Variants in CNTNAP2 observed in about 807,000 individuals in gnomAD.
The protein encoded by CNTNAP2 is contactin-associated protein-like 2.
CNTNAP2 carries 98 observed loss-of-function variants against 155.2 expected under a neutral mutation model. That is an observed-to-expected ratio of 0.63 (90% confidence interval 0.54 to 0.75). The LOEUF is 0.75. Ranked by LOEUF, CNTNAP2 falls within the 30% of genes least tolerant of loss-of-function variation. The pLI is 0.00. For missense variants in CNTNAP2, 1,727 were observed against 1,688.1 expected (o/e 1.02, Z -0.40); for synonymous variants, 651 against 631.2 (o/e 1.03, Z -0.47).
At chr7:146,198,941 A>G (rs1798817084) in intron 1 of CNTNAP2, among the ~76,000 whole-genome samples, 1 of 152,222 alleles carries the variant, frequency 6.6e-6, no homozygotes, top group Non-Finnish European at 1.5e-5. Flanking sequence ...TAATATATCA[A>G]CATATACTAC....
At chr7:146,712,255 A>C (rs1197829843) in intron 1 of CNTNAP2, among the ~76,000 whole-genome samples, 1 of 62,462 alleles carries the variant, frequency 1.6e-5, no homozygotes, top group African/African-American at 3.9e-5. Flanking sequence ...GTATACAAAT[A>C]TGTATACATA....
intron 8 of CNTNAP2, chr7:147,167,367 T>TAA: frequency 1.0e-6 from 1 of 968,960 alleles, no homozygotes. Context: ...TGTTCAGTAC[T>TAA]AAGACATTTC....
At chr7:147,284,455 T>A (rs1028156638) in intron 8 of CNTNAP2, among the ~76,000 whole-genome samples, 13 of 151,902 alleles carry the variant, frequency 8.6e-5, no homozygotes, top group African/African-American at 2.9e-4. Context: ...TATGTGTGCA[T>A]ACACATATAC....
At position 146,937,573 on chromosome 7, in the gene CNTNAP2, G is replaced by A. The variant is rs571101693; in HGVS notation, c.402+97669G>A. On this transcript the variant is annotated intron_variant, in intron 3 of 23. Transcript: ENST00000361727. ...AGGGGCACTTGCCTGAAATTATGTGGTTTATTTTGGTTTATAAAAAGTGGC... is the reference window on the plus strand; with the variant it reads ...AGGGGCACTTGCCTGAAATTATGTGATTTATTTTGGTTTATAAAAAGTGGC... Among the ~76,000 whole-genome samples the A allele has an allele frequency of 2.0e-5, 3 of 152,124 alleles. No homozygotes were observed. In the South Asian group the frequency reaches 6.2e-4, roughly 32 times the overall value.
chr7:147,049,583 AG>A (rs1443609042), intron 4 of CNTNAP2, among the ~76,000 whole-genome samples: 1 of 152,154 alleles, frequency 6.6e-6, no homozygotes, highest in African/African-American at 2.4e-5. Flanking sequence ...GGCTTCCTAG[AG>A]AATAGCAGTG....
intron 3 of CNTNAP2, among the ~76,000 whole-genome samples, chr7:146,943,073 A>T (rs1797088305): frequency 1.3e-5 from 2 of 152,230 alleles, no homozygotes; most frequent in Non-Finnish European, 2.9e-5. Context: ...CCTGTCATGC[A>T]GTCAAATACC....
At chr7:148,107,310 C>T (rs919132513) in intron 15 of CNTNAP2, among the ~76,000 whole-genome samples, 2 of 152,202 alleles carry the variant, frequency 1.3e-5, no homozygotes, top group African/African-American at 2.4e-5. Flanking sequence ...TATTCTTTTT[C>T]TCTGTGGGAC....
intron 3 of CNTNAP2, among the ~76,000 whole-genome samples, chr7:146,864,999 A>G (rs1324059217): frequency 6.6e-6 from 1 of 151,036 alleles, no homozygotes; most frequent in Non-Finnish European, 1.5e-5. Context: ...CTAAAAAAAA[A>G]AAAAAAAAAA....
intron 3 of CNTNAP2, among the ~76,000 whole-genome samples, chr7:146,964,161 T>G (rs535464546): frequency 6.6e-5 from 10 of 152,352 alleles, no homozygotes; most frequent in Admixed American, 4.6e-4. Context: ...CCACTGTTTC[T>G]GAATTAAAAT....
intron 1 of CNTNAP2, among the ~76,000 whole-genome samples, chr7:146,407,328 A>G (rs183997664): frequency 5.6e-4 from 85 of 152,262 alleles, no homozygotes; most frequent in Non-Finnish European, 9.9e-4. Context: ...TATAGTGAGA[A>G]TCATCATTAC....
At chr7:146,169,295 G>T (rs1332785108) in intron 1 of CNTNAP2, among the ~76,000 whole-genome samples, 1 of 152,016 alleles carries the variant, frequency 6.6e-6, no homozygotes, top group Non-Finnish European at 1.5e-5. Flanking sequence ...TTTCCACAGA[G>T]GTATGTCAAG....
intron 15 of CNTNAP2, among the ~76,000 whole-genome samples, chr7:147,987,802 C>A (rs1801644827): frequency 6.6e-6 from 1 of 152,188 alleles, no homozygotes; most frequent in South Asian, 2.1e-4. Context: ...TCAAGTGATT[C>A]TCCTGCCTCA....
chr7:146,465,134 C>A (rs978891515), intron 1 of CNTNAP2, among the ~76,000 whole-genome samples: 6 of 149,746 alleles, frequency 4.0e-5, no homozygotes, highest in Non-Finnish European at 8.9e-5. Context: ...CACACACACA[C>A]CACACACACA....
chr7:147,473,940 G>T (rs1363620362), intron 10 of CNTNAP2, among the ~76,000 whole-genome samples: 2 of 151,932 alleles, frequency 1.3e-5, no homozygotes, highest in African/African-American at 4.8e-5. Context: ...TCAGCCGGGC[G>T]TGGTGGCACA....
At chr7:146,373,547 G>T (rs985352730) in intron 1 of CNTNAP2, among the ~76,000 whole-genome samples, 1 of 151,792 alleles carries the variant, frequency 6.6e-6, no homozygotes, top group Non-Finnish European at 1.5e-5. Flanking sequence ...AAAAAATGGA[G>T]GCAATCTCCC....
intron 1 of CNTNAP2, among the ~76,000 whole-genome samples, chr7:146,384,372 T>A (rs1177020625): frequency 6.6e-6 from 1 of 152,114 alleles, no homozygotes; most frequent in East Asian, 1.9e-4. Context: ...AGTGAAGATA[T>A]CCAGCATATC....
intron 1 of CNTNAP2, among the ~76,000 whole-genome samples, chr7:146,701,885 A>G (rs963649041): frequency 1.3e-5 from 2 of 152,218 alleles, no homozygotes; most frequent in African/African-American, 4.8e-5. Flanking sequence ...TGGACAAAAC[A>G]TAGGCTATGC....
chr7:146,333,382 G>T (rs544979387), intron 1 of CNTNAP2, among the ~76,000 whole-genome samples: 1 of 152,156 alleles, frequency 6.6e-6, no homozygotes, highest in African/African-American at 2.4e-5. Context: ...ATGTTTTGTT[G>T]ACCTAAACTA....
At chr7:147,780,487 A>T (rs1332646699) in intron 13 of CNTNAP2, among the ~76,000 whole-genome samples, 1 of 152,174 alleles carries the variant, frequency 6.6e-6, no homozygotes, top group African/African-American at 2.4e-5. Context: ...GCCACAGAAA[A>T]TCCAAAATAT....
Sources: allele counts gnomAD v4.1 joint callset (sites outside exome capture counted in the v4.1 genomes callset), GRCh38; gene constraint gnomAD v4.1.1; transcripts MANE v1.5; gene names NCBI Gene and HGNC (gene_info 2026-07-23, HGNC 2026-07-21).